ANKRD55: variants seen among roughly 807,000 people sequenced by gnomAD.
ANKRD55 encodes ankyrin repeat domain-containing protein 55.
Under a neutral mutation model 60.6 loss-of-function variants are expected in ANKRD55, and 41 were observed. The ratio of observed to expected loss-of-function variants is 0.68; its 90% confidence interval spans 0.53 to 0.88. ANKRD55 has a LOEUF of 0.88. Among genes scored for constraint, ANKRD55 ranks in the 40% least tolerant of loss-of-function variants. The pLI, the probability that ANKRD55 is intolerant of heterozygous loss-of-function variation, is 0.00. For synonymous variants in ANKRD55, 264 were observed against 290.3 expected (o/e 0.91, Z 0.92); for missense variants, 732 against 767.6 (o/e 0.95, Z 0.55).
intron 8 of ANKRD55, among the ~76,000 whole-genome samples, chr5:56,122,791 G>A (rs745895391): frequency 5.4e-5 from 8 of 149,400 alleles, no homozygotes; most frequent in Middle Eastern, 3.2e-3. Context: ...TTTGAGATAC[G>A]GTCTCACTCT....
At chr5:56,205,310 C>T (rs1005737227) in intron 2 of ANKRD55, among the ~76,000 whole-genome samples, 6 of 152,210 alleles carry the variant, frequency 3.9e-5, no homozygotes, top group African/African-American at 1.2e-4. Context: ...ATCCACCTGC[C>T]TCAGCCTCCC....
chr5:56,102,574 T>C lies in ANKRD55; in HGVS notation c.1643A>G (p.Gln548Arg), dbSNP rs1561246265. The change falls in exon 11 of 12, where the codon CAG becomes CGG. Residue 548 changes from glutamine to arginine, a missense_variant. Physicochemically the swap from Gln to Arg is conservative, Grantham distance 43. Transcript: ENST00000341048. ...TTTGTGTCTGTTTGGGGAAAGATGC[T>C]GAAAATTTTGTCCTGAAGATAAACA... The part of the protein sequence containing the change: ...LHNPSSGQNF[Q>R]HLSPNRHKIR... The C allele has an allele frequency of 1.2e-6, 2 of 1,613,146 alleles. No homozygotes were observed. The highest frequency in any genetic ancestry group is 1.7e-6 in the Non-Finnish European group (2 of 1,179,328).
At chr5:56,230,744 T>C (rs2111903651) in intron 2 of ANKRD55, among the ~76,000 whole-genome samples, 1 of 152,280 alleles carries the variant, frequency 6.6e-6, no homozygotes, top group East Asian at 1.9e-4. Flanking sequence ...CTATAAATGG[T>C]ATCCTAGGGT....
chr5:56,127,624 G>A (rs1757307603), intron 7 of ANKRD55: 1 of 961,922 alleles, frequency 1.0e-6, no homozygotes, highest in African/African-American at 1.8e-5. Flanking sequence ...CTGAGAATTT[G>A]TCCCAGGGAG....
intron 4 of ANKRD55, among the ~76,000 whole-genome samples, chr5:56,173,564 CTCTCTCTCTCTCTCTCTCTATATATA>C (rs968781869): frequency 2.6e-5 from 3 of 115,204 alleles, no homozygotes; most frequent in African/African-American, 1.1e-4. Context: ...CTCTCTCTCT[CTCTCTCTCTCTCTCTCTCTATATATA>C]TATATATATA....
intron 5 of ANKRD55, 103 bp from the exon 6 acceptor site, chr5:56,159,996 A>T (rs961694277): frequency 2.1e-6 from 2 of 941,774 alleles, no homozygotes; most frequent in African/African-American, 3.3e-5. Context: ...CAGTTGAAAG[A>T]CTCCAAATGA....
At chr5:56,114,904 G>C (rs1375048456) in intron 9 of ANKRD55, among the ~76,000 whole-genome samples, 6 of 152,100 alleles carry the variant, frequency 3.9e-5, no homozygotes, top group Non-Finnish European at 8.8e-5. Context: ...TGATACTGTG[G>C]CTGGGTATGA....
At chr5:56,202,668 T>C (rs1328086882) in intron 2 of ANKRD55, among the ~76,000 whole-genome samples, 1 of 152,238 alleles carries the variant, frequency 6.6e-6, no homozygotes, top group Non-Finnish European at 1.5e-5. Context: ...AAGAAGAGAT[T>C]TCATTCTGTG....
intron 2 of ANKRD55, among the ~76,000 whole-genome samples, chr5:56,204,168 G>A (rs1336442280): frequency 6.6e-6 from 1 of 152,062 alleles, no homozygotes; most frequent in African/African-American, 2.4e-5. Flanking sequence ...CCACTTTTTG[G>A]TGGGGTTGCT....
At chr5:56,168,593 T>C (rs1758538177) in intron 5 of ANKRD55, among the ~76,000 whole-genome samples, 1 of 152,232 alleles carries the variant, frequency 6.6e-6, no homozygotes, top group South Asian at 2.1e-4. Flanking sequence ...TTTATAGGTA[T>C]GTATGTAGAG....
intron 11 of ANKRD55, among the ~76,000 whole-genome samples, chr5:56,100,991 G>C (rs966264274): frequency 9.2e-5 from 14 of 152,178 alleles, no homozygotes; most frequent in African/African-American, 3.4e-4. Flanking sequence ...TCTGTAAAGG[G>C]CAGAGGAACT....
Position 56,111,732 on chromosome 5 carries a change from T to C in ANKRD55, c.1016A>G (p.Lys339Arg). The C allele has an allele frequency of 6.6e-7, 1 of 1,516,910 alleles. No homozygotes were observed. The highest frequency in any genetic ancestry group is 8.8e-7 in the Non-Finnish European group (1 of 1,137,256). 94.0% of individuals were successfully genotyped at this position (1,516,910 alleles called of 1,614,324 possible). Residue 339 changes from lysine (K) to arginine (R), a missense_variant, in exon 10 of 12, where the codon AAG becomes AGG. Lys to Arg is a conservative substitution (Grantham distance 26). Transcript: ENST00000341048. ...PPSQSSRPQK[K>R]ERRFNVLNQI... Reference sequence around the variant, plus strand: ...GTTGAGCACGTTGAACCGTCTCTCCTTCTTCTGGGGCCGACTGCTCTGGGA... The same window carrying C: ...GTTGAGCACGTTGAACCGTCTCTCCCTCTTCTGGGGCCGACTGCTCTGGGA...
intron 9 of ANKRD55, among the ~76,000 whole-genome samples, chr5:56,112,118 G>A (rs968126066): frequency 1.3e-5 from 2 of 152,162 alleles, no homozygotes; most frequent in Admixed American, 1.3e-4. Context: ...AGCTGAAAGT[G>A]TTGTTCTCAC....
chr5:56,141,736 T>TA (rs1236771217), intron 7 of ANKRD55, among the ~76,000 whole-genome samples: 2 of 151,698 alleles, frequency 1.3e-5, no homozygotes, highest in Non-Finnish European at 2.9e-5. Flanking sequence ...CTGGTAAACA[T>TA]AAAAAAAAGA....
At chr5:56,160,041 A>T (rs1758287660) in intron 5 of ANKRD55, 148 bp from the exon 6 acceptor site, 3 of 657,114 alleles carry the variant, frequency 4.6e-6, no homozygotes, top group Non-Finnish European at 5.3e-6. Flanking sequence ...TGGGAAAAAG[A>T]TCCACAGAAA....
chr5:56,166,681 T>G (rs931820813), intron 5 of ANKRD55, among the ~76,000 whole-genome samples: 1 of 152,152 alleles, frequency 6.6e-6, no homozygotes, highest in African/African-American at 2.4e-5. Flanking sequence ...TAGTCCTACA[T>G]GTATGCCAGA....
At chr5:56,221,919 G>A (rs533420384) in intron 2 of ANKRD55, among the ~76,000 whole-genome samples, 1 of 152,230 alleles carries the variant, frequency 6.6e-6, no homozygotes, top group South Asian at 2.1e-4. Context: ...ACCTCTGGGG[G>A]CAGGGCATAG....
At chr5:56,119,550 C>T (rs924765953) in intron 8 of ANKRD55, among the ~76,000 whole-genome samples, 1 of 152,096 alleles carries the variant, frequency 6.6e-6, no homozygotes, top group African/African-American at 2.4e-5. Context: ...TAGAACTGTA[C>T]ACCATAAAAG....
chr5:56,104,684 A>T (rs1008703836), intron 10 of ANKRD55, among the ~76,000 whole-genome samples: 3 of 152,208 alleles, frequency 2.0e-5, no homozygotes, highest in Non-Finnish European at 2.9e-5. Flanking sequence ...GATAATAACA[A>T]TAATAAATAG....
Sources: allele counts gnomAD v4.1 joint callset (sites outside exome capture counted in the v4.1 genomes callset), GRCh38; gene constraint gnomAD v4.1.1; transcripts MANE v1.5; gene names NCBI Gene and HGNC (gene_info 2026-07-23, HGNC 2026-07-21).